IQSEC1: variants seen among roughly 807,000 people sequenced by gnomAD.
IQSEC1 encodes IQ motif and SEC7 domain-containing protein 1.
A neutral mutation model predicts 91.0 loss-of-function variants in IQSEC1; 31 were observed. The ratio of observed to expected loss-of-function variants is 0.34; its 90% confidence interval spans 0.26 to 0.46. IQSEC1 has a LOEUF of 0.46. IQSEC1 is among the 20% of genes least tolerant of loss of function. The pLI is 1.00. For synonymous variants in IQSEC1, 699 were observed against 662.6 expected (o/e 1.05, Z -0.84); for missense variants, 1,388 against 1,575.6 (o/e 0.88, Z 2.02).
In IQSEC1 at chr3:13,038,764, T is replaced by A. The variant is rs1244589736; in HGVS notation, c.23+34228A>T. ...GACTCTCACCCACTGCTGGTAAGGC[T>A]ACATACTGCCAGGGCCACTTTGGAA... On this transcript the variant is annotated intron_variant, in intron 1 of 13. Coordinates refer to ENST00000613206, the MANE Select transcript of IQSEC1 (RefSeq NM_001134382.3). Among the ~76,000 whole-genome samples the A allele has an allele frequency of 1.3e-5, 2 of 152,212 alleles. 1 individual carries two copies.
At chr3:13,192,263 G>A (rs1010841898) in intron 1 of IQSEC1, among the ~76,000 whole-genome samples, 25 of 151,896 alleles carry the variant, frequency 1.6e-4, no homozygotes, top group African/African-American at 4.3e-4. Context: ...GCGTGACCCC[G>A]GGAGGCGGAG....
At chr3:13,171,883 C>T (rs1021708653) in intron 1 of IQSEC1, among the ~76,000 whole-genome samples, 5 of 152,166 alleles carry the variant, frequency 3.3e-5, no homozygotes, top group Admixed American at 6.5e-5. Flanking sequence ...AAGGGGCAAG[C>T]GTCCCGGGCC....
rs565819909 is a variant in IQSEC1 at position 13,214,401 on chromosome 3, G to A, written c.273-50268C>T. ...CCACAGCCAGCACAGGCAGGCACAC[G>A]GCAGGGCTGCAGCAAGCTCGAGCCA... On this transcript the variant is annotated intron_variant, in intron 1 of 15. Coordinates refer to the IQSEC1 transcript ENST00000648114. The surrounding 1 kb of genome is among the most constrained non-coding windows in gnomAD (Gnocchi z 4.5). Among the ~76,000 whole-genome samples the A allele has an allele frequency of 1.3e-5, 2 of 152,372 alleles. No homozygotes were observed. Among genetic ancestry groups the A allele is most frequent in the South Asian group, 2.1e-4 (1 of 4,834 alleles).
intron 1 of IQSEC1, among the ~76,000 whole-genome samples, chr3:12,974,267 GC>G (rs1224463155): frequency 6.6e-6 from 1 of 152,162 alleles, no homozygotes; most frequent in Non-Finnish European, 1.5e-5. Context: ...CCTCCAAGAA[GC>G]CCTCCAAGCC....
At chr3:12,902,005 G>A (rs1288210609) in intron 13 of IQSEC1, among the ~76,000 whole-genome samples, 3 of 152,022 alleles carry the variant, frequency 2.0e-5, no homozygotes, top group Non-Finnish European at 4.4e-5. Flanking sequence ...GCCCATGTGG[G>A]TCCTGAGGTC....
In IQSEC1 at chr3:13,259,550, G is replaced by C. The variant is rs977439876; in HGVS notation, c.272+23161C>G. Among the ~76,000 whole-genome samples the C allele has an allele frequency of 1.3e-5, 2 of 152,190 alleles. No individual in the cohort carries two copies. The highest frequency in any genetic ancestry group is 1.3e-4 in the Admixed American group (2 of 15,278). ...GCCGACTCCCCAAGGCCTTCGAGGCGGGCTGATGGATGCAGTGTTTAAGCC... is the reference window on the plus strand; with the variant it reads ...GCCGACTCCCCAAGGCCTTCGAGGCCGGCTGATGGATGCAGTGTTTAAGCC... On this transcript the variant is annotated intron_variant, in intron 1 of 15. Coordinates refer to the IQSEC1 transcript ENST00000648114. The surrounding 1 kb of genome is among the most constrained non-coding windows in gnomAD (Gnocchi z 4.6).
intron 1 of IQSEC1, among the ~76,000 whole-genome samples, chr3:13,060,431 C>T (rs775440361): frequency 2.0e-5 from 3 of 152,106 alleles, no homozygotes; most frequent in East Asian, 1.9e-4. Context: ...TTGAAGTCAG[C>T]GGAGGCAGAT....
Position 12,935,131 on chromosome 3 carries a change from T to C in IQSEC1, c.1568+317A>G, listed in dbSNP as rs1326353358. On this transcript the variant is annotated intron_variant, in intron 3 of 13. Coordinates refer to ENST00000613206, the MANE Select transcript of IQSEC1 (RefSeq NM_001134382.3). The surrounding 1 kb of genome is among the most constrained non-coding windows in gnomAD (Gnocchi z 8.0). Reference sequence around the variant, plus strand: ...AAGTTGCGCAGGGCATGGCCCAACATACCCCACTTGCTATGGCGGACTTGG... The same window carrying C: ...AAGTTGCGCAGGGCATGGCCCAACACACCCCACTTGCTATGGCGGACTTGG... 1.3e-5 allele frequency among the ~76,000 whole-genome samples: 2 copies of C among 152,118 alleles called. No individual in the cohort carries two copies. Among genetic ancestry groups the C allele is most frequent in the Non-Finnish European group, 2.9e-5 (2 of 68,016 alleles).
chr3:13,201,564 G>C (rs567995250), intron 1 of IQSEC1, among the ~76,000 whole-genome samples: 4 of 151,998 alleles, frequency 2.6e-5, no homozygotes, highest in Non-Finnish European at 4.4e-5. Flanking sequence ...GGCTGGTCTC[G>C]AACTCCCAGC....
intron 1 of IQSEC1, among the ~76,000 whole-genome samples, chr3:13,170,110 C>A (rs889143578): frequency 6.6e-6 from 1 of 152,260 alleles, no homozygotes; most frequent in Non-Finnish European, 1.5e-5. Flanking sequence ...GGCCCAGGGT[C>A]CCCAAGCTGT....
At chr3:13,118,616 G>A (rs1706373848) in intron 2 of IQSEC1, among the ~76,000 whole-genome samples, 2 of 152,202 alleles carry the variant, frequency 1.3e-5, no homozygotes, top group Admixed American at 1.3e-4. Context: ...GTCAAATTCA[G>A]AGACCTGAAG....
intron 2 of IQSEC1, among the ~76,000 whole-genome samples, chr3:13,102,865 G>T (rs1706087811): frequency 6.6e-6 from 1 of 152,136 alleles, no homozygotes; most frequent in South Asian, 2.1e-4. Context: ...TGCCTGCCAC[G>T]GCCCACATAT....
In IQSEC1 at chr3:12,908,478, A is replaced by G; in HGVS notation, c.2626T>C (p.Cys876Arg). 6.2e-7 allele frequency: 1 copy of G among 1,613,594 alleles called. No individual in the cohort carries two copies. The highest frequency in any genetic ancestry group is 8.5e-7 in the Non-Finnish European group (1 of 1,180,028). ...KGVVRPSMSQ[C>R]SSLKKESGNG... ...CCCGACTCCTTTTTGAGGCTAGAGC[A>G]CTGGGACATGCTGGGCCGCACGACG... is the stretch of plus-strand genomic sequence containing the variant. Residue 876 changes from cysteine (C) to arginine (R), a missense_variant, in exon 12 of 14, where the codon TGC (cysteine) becomes CGC (arginine). Transcript: ENST00000613206. This position sits in a 1 kb window ranked among gnomAD's most constrained non-coding sequence, Gnocchi z 4.9.
At chr3:12,939,769 A>G (rs947055041) in intron 2 of IQSEC1, among the ~76,000 whole-genome samples, 6 of 152,166 alleles carry the variant, frequency 3.9e-5, no homozygotes, top group Non-Finnish European at 8.8e-5. Flanking sequence ...GGTCTTCCCA[A>G]CCAGCCTTAC....
intron 2 of IQSEC1, among the ~76,000 whole-genome samples, chr3:13,146,399 T>C (rs892538097): frequency 1.3e-5 from 2 of 152,304 alleles, no homozygotes; most frequent in African/African-American, 4.8e-5. Context: ...CACCCTTCTG[T>C]CCTGATTTAG....
At chr3:12,944,977 T>G (rs533357388) in intron 1 of IQSEC1, among the ~76,000 whole-genome samples, 1 of 152,266 alleles carries the variant, frequency 6.6e-6, no homozygotes, top group East Asian at 1.9e-4. Context: ...GAAACCACTG[T>G]GAGCAGGCAG....
At chr3:13,079,152 A>G (rs569894046) in intron 2 of IQSEC1, among the ~76,000 whole-genome samples, 17 of 152,346 alleles carry the variant, frequency 1.1e-4, no homozygotes, top group African/African-American at 3.8e-4. Context: ...GTGGAGGCTG[A>G]GTCAGCACAG....
chr3:12,944,186 G>A (rs989499214), intron 1 of IQSEC1, among the ~76,000 whole-genome samples: 1 of 152,154 alleles, frequency 6.6e-6, no homozygotes, highest in African/African-American at 2.4e-5. Context: ...CACATCATGA[G>A]AGTCTCCCAA....
intron 1 of IQSEC1, among the ~76,000 whole-genome samples, chr3:12,949,486 C>T (rs561060987): frequency 2.6e-5 from 4 of 152,364 alleles, no homozygotes; most frequent in Admixed American, 6.5e-5. Flanking sequence ...TCCTGAAGTA[C>T]GTATGCCCAT....
Sources: allele counts gnomAD v4.1 joint callset (sites outside exome capture counted in the v4.1 genomes callset), GRCh38; gene constraint gnomAD v4.1.1; non-coding constraint Gnocchi (gnomAD v3.1); transcripts MANE v1.5; gene names NCBI Gene and HGNC (gene_info 2026-07-23, HGNC 2026-07-21).